C12orf57: variants seen among roughly 807,000 people sequenced by gnomAD.
C12orf57 encodes the protein chromosome 12 open reading frame 57, also known as protein C10.
Under a neutral mutation model 11.3 loss-of-function variants are expected in C12orf57, and 14 were observed. The ratio of observed to expected loss-of-function variants is 1.24; its 90% CI spans 0.82 to 1.94. The LOEUF (loss-of-function observed/expected upper bound fraction) is 1.94. C12orf57 is among the 30% of genes most tolerant of loss of function. C12orf57 has a pLI of 0.00. For synonymous variants in C12orf57, 100 were observed against 74.6 expected, an observed-to-expected ratio of 1.34 and a Z score of -1.76; for missense variants, 229 against 172.4, an observed-to-expected ratio of 1.33 and a Z score of -1.84.
chr12:6,943,657 A>C, upstream of C12orf57: 1 of 1,288,144 alleles, frequency 7.8e-7, no homozygotes, highest in Non-Finnish European at 1.0e-6. Context: ...GAAATGAATG[A>C]CTTAAGTAAG....
upstream of C12orf57, chr12:6,943,744 A>AG (rs199729781): frequency 2.3e-3 from 2,728 of 1,201,770 alleles, 4 homozygotes; most frequent in East Asian, 4.2e-3. Context: ...ACAAGAAAAA[A>AG]GTCACCTAAG....
In C12orf57 at chr12:6,944,891, G is replaced by C. The variant is rs144914690; in HGVS notation, c.229+239G>C. On this transcript the variant is annotated intron_variant, in intron 2 of 2. Coordinates refer to ENST00000229281, the MANE Select transcript of C12orf57 (RefSeq NM_138425.4). The stretch of plus-strand genomic sequence containing the variant: ...TTACCCGAAATGGTTGGGACCGGAA[G>C]TGTTTCGGGTTTTTTCAGATTTCGG... 3.7e-5 allele frequency: 52 copies of C among 1,395,344 alleles called. No homozygotes were observed. The African/African-American group carries it at 7.2e-4, about 19-fold the overall frequency. 86.4% of individuals were successfully genotyped at this position (1,395,344 alleles called of 1,614,324 possible).
In C12orf57 at chr12:6,944,809, T is replaced by C. The variant is rs1591675477; in HGVS notation, c.229+157T>C. 8.8e-6 allele frequency: 13 copies of C among 1,480,168 alleles called. No individual in the cohort carries two copies. In the South Asian group the frequency reaches 1.6e-4, roughly 18 times the overall value. 91.7% of individuals were successfully genotyped at this position (1,480,168 alleles called of 1,614,324 possible). ...CATTCTTGGCACTCAGAGCCCAGGGTCTACCCTGAGCTTGTGCGTCCGAGT... is the reference window on the plus strand; with the variant it reads ...CATTCTTGGCACTCAGAGCCCAGGGCCTACCCTGAGCTTGTGCGTCCGAGT... On this transcript the variant is annotated intron_variant, in intron 2 of 2. Coordinates refer to ENST00000229281, the MANE Select transcript of C12orf57 (RefSeq NM_138425.4).
rs782168213 is a variant in C12orf57, at chr12:6,944,154, G to C, written c.33G>C (p.Leu11Phe). The change falls in exon 1 of 3, where the codon TTG becomes TTC. Residue 11 changes from leucine (L) to phenylalanine (F), a missense_variant. Physicochemically the swap from Leu to Phe is conservative, Grantham distance 22. Transcript: ENST00000229281. MASASTQPAA[L>F]SAEQAKVVLA... ...CCGCCTCGACCCAACCGGCGGCCTT[G>C]AGCGCTGAGCAAGCAAAGGGTGAGA... 2.4e-5 allele frequency: 39 copies of C among 1,614,240 alleles called. No individual in the cohort carries two copies. In the Middle Eastern group the frequency reaches 3.1e-3, roughly 130 times the overall value.
At chr12:6,943,697 A>G (rs1945686213), upstream of C12orf57, 1 of 1,281,868 alleles carries the variant, frequency 7.8e-7, no homozygotes, top group African/African-American at 1.5e-5. Context: ...TCCTACTGAA[A>G]GTTACCACAT....
In C12orf57 at chr12:6,945,931, C is replaced by T. The variant is rs781853414; in HGVS notation, c.*9C>T. Reference sequence around the variant, plus strand: ...GCGTGGCCGCCTCCTGAGAGTTGGCCCTCCCTTGTGCCACTGCCAGGGGAG... The same window carrying T: ...GCGTGGCCGCCTCCTGAGAGTTGGCTCTCCCTTGTGCCACTGCCAGGGGAG... On this transcript the variant is annotated 3_prime_UTR_variant, in exon 3 of 3. Transcript: ENST00000229281. 1 of 1,608,480 alleles carries T rather than the reference C, an allele frequency of 6.2e-7. No individual in the cohort carries two copies. Among genetic ancestry groups the T allele is most frequent in the South Asian group, 1.1e-5 (1 of 90,588 alleles).
upstream of C12orf57, chr12:6,943,610 A>G (rs781907301): frequency 1.6e-5 from 20 of 1,289,776 alleles, 1 homozygote; most frequent in East Asian, 5.0e-4. Flanking sequence ...CACCGAACTC[A>G]TTTGCATGGG....
chr12:6,944,796 T>G (rs1297623637), intron 2 of C12orf57, 144 bp downstream of exon 2: 1 of 1,505,404 alleles, frequency 6.6e-7, no homozygotes. Context: ...TTCTTGGCAC[T>G]CAGAGCCCAG....
upstream of C12orf57, chr12:6,943,525 T>C: frequency 7.8e-7 from 1 of 1,285,738 alleles, no homozygotes; most frequent in Non-Finnish European, 1.0e-6. Context: ...GCTCTGGGCC[T>C]TTACTGCCGA....
chr12:6,944,514 G>C lies in C12orf57; in HGVS notation c.91G>C (p.Glu31Gln), dbSNP rs797045422. The change falls in exon 2 of 3, where the codon GAG (glutamate) becomes CAG (glutamine). Residue 31 changes from glutamate (E) to glutamine (Q), a missense_variant. By Grantham distance (29) the Glu-to-Gln change is conservative. Coordinates refer to ENST00000229281, the MANE Select transcript of C12orf57 (RefSeq NM_138425.4). ...GGTGATCCAGGCGTTCTCCGCCCCG[G>C]AGAATGCAGTGCGCATGGACGAGGC... ...AEVIQAFSAP[E>Q]NAVRMDEARD... 13 of 1,613,660 alleles carry C rather than the reference G, an allele frequency of 8.1e-6. No individual in the cohort carries two copies. Among genetic ancestry groups the C allele is most frequent in the Non-Finnish European group, 1.1e-5 (13 of 1,180,014 alleles).
chr12:6,944,657 G>T lies in C12orf57; in HGVS notation c.229+5G>T, dbSNP rs1945750009. 6.4e-7 allele frequency: 1 copy of T among 1,564,452 alleles called. No individual in the cohort carries two copies. The highest frequency in any genetic ancestry group is 8.6e-7 in the Non-Finnish European group (1 of 1,168,720). On this transcript the variant is annotated splice_donor_5th_base_variant and intron_variant, in intron 2 of 2. Transcript: ENST00000229281. ...GCTTCAGCTGCGACGGGGAAGGTGG[G>T]TCAGACGCGGGAAGGCGGGTCAGAC...
chr12:6,944,065 C>T lies in C12orf57; in HGVS notation c.-57C>T, dbSNP rs972287855. 19 of 1,613,186 alleles carry T rather than the reference C, an allele frequency of 1.2e-5. No individual in the cohort carries two copies. The highest frequency in any genetic ancestry group is 6.7e-5 in the Admixed American group (4 of 60,026). On this transcript the variant is annotated 5_prime_UTR_variant, in exon 1 of 3. Transcript: ENST00000229281. Reference sequence around the variant, plus strand: ...CGTTGGGAACGGTTGTAGGACGTGGCTCTTTATTCGTGAGTTTTCCATTTA... The same window carrying T: ...CGTTGGGAACGGTTGTAGGACGTGGTTCTTTATTCGTGAGTTTTCCATTTA...
upstream of C12orf57, chr12:6,943,642 C>A (rs781906319): frequency 1.2e-4 from 161 of 1,288,158 alleles, no homozygotes; most frequent in Non-Finnish European, 1.4e-4. Context: ...TGTTCGCGAA[C>A]TCTAGAAATG....
In C12orf57 at chr12:6,945,756, C is replaced by T. The variant is rs782454240; in HGVS notation, c.230-15C>T. On this transcript the variant is annotated splice_polypyrimidine_tract_variant and intron_variant, in intron 2 of 2. Transcript: ENST00000229281. ...GTCCTTAGGAGAAGGGTTGACCTTC[C>T]ACTCCCTCTTGCAGGTGTCCTTAAG... 3.7e-6 allele frequency: 6 copies of T among 1,612,898 alleles called. No individual in the cohort carries two copies. The South Asian group carries it at 6.6e-5, about 18-fold the overall frequency.
At chr12:6,943,646 AGAAAT>A, upstream of C12orf57, 1 of 1,288,094 alleles carries the variant, frequency 7.8e-7, no homozygotes, top group African/African-American at 1.5e-5. Context: ...CGCGAACTCT[AGAAAT>A]GAATGACTTA....
At chr12:6,943,670 C>T, upstream of C12orf57, 2 of 1,284,310 alleles carry the variant, frequency 1.6e-6, no homozygotes, top group Non-Finnish European at 2.0e-6. Flanking sequence ...TAAGTAAGTT[C>T]CTTAGAATAT....
chr12:6,943,998 T>A (rs782157365), upstream of C12orf57: 17 of 1,590,570 alleles, frequency 1.1e-5, no homozygotes, highest in East Asian at 2.2e-5. Flanking sequence ...GCCTGGGCGC[T>A]TCCGGCTGCG....
At chr12:6,945,382 TA>T (rs1555146375) in intron 2 of C12orf57, among the ~76,000 whole-genome samples, 1 of 152,122 alleles carries the variant, frequency 6.6e-6, no homozygotes, top group East Asian at 1.9e-4. Flanking sequence ...GGTTGGTGGT[TA>T]AATTTTTGGT....
rs782589619 is a variant in C12orf57, at chr12:6,944,480, C to G, written c.57C>G (p.Val19=). 3 of 1,611,860 alleles carry G rather than the reference C, an allele frequency of 1.9e-6. No individual in the cohort carries two copies. The highest frequency in any genetic ancestry group is 1.7e-6 in the Non-Finnish European group (2 of 1,179,760). The change falls in exon 2 of 3, where the codon GTC becomes GTG. Residue 19 remains valine (V), a synonymous_variant. Transcript: ENST00000229281. ...TGGGATGCTTCTGGCGCGCAGTGGT[C>G]CTCGCGGAGGTGATCCAGGCGTTCT... ...AALSAEQAKV[V]LAEVIQAFSA...
Sources: allele counts gnomAD v4.1 joint callset (sites outside exome capture counted in the v4.1 genomes callset), GRCh38; gene constraint gnomAD v4.1.1; transcripts MANE v1.5; gene names NCBI Gene and HGNC (gene_info 2026-07-23, HGNC 2026-07-21).